The following HDAC4 variants were observed in gnomAD, a reference collection of about 807,000 sequenced individuals.
The protein encoded by HDAC4 is histone deacetylase 4, also known as histone deacetylase A.
Under a neutral mutation model 135.1 loss-of-function variants are expected in HDAC4, and 16 were observed. The observed-to-expected ratio is 0.12, with a 90% confidence interval of 0.08 to 0.18. HDAC4 has a LOEUF of 0.18. Among genes scored for constraint, HDAC4 ranks in the 10% least tolerant of loss-of-function variants. The pLI, the probability that HDAC4 is intolerant of heterozygous loss-of-function variation, is 1.00. For missense variants in HDAC4, 1,143 were observed against 1,511.8 expected (o/e 0.76, Z 4.05); for synonymous variants, 685 against 653.4 (o/e 1.05, Z -0.74).
At chr2:239,275,124 G>A (rs1197853471) in intron 2 of HDAC4, among the ~76,000 whole-genome samples, 1 of 152,012 alleles carries the variant, frequency 6.6e-6, no homozygotes, top group African/African-American at 2.4e-5. Flanking sequence ...CCCATCTCCC[G>A]TGGCTGACGG....
chr2:239,102,611 C>T, intron 16 of HDAC4, 165 bp downstream of exon 16: 2 of 721,872 alleles, frequency 2.8e-6, no homozygotes, highest in Non-Finnish European at 4.7e-6. Context: ...CATCAACAAC[C>T]AGTGGCTTGT....
rs191583595 is a variant in HDAC4 at position 239,383,666 on chromosome 2, C to T, written c.-220+17312G>A. Among the ~76,000 whole-genome samples, 224 of 152,004 alleles carry T rather than the reference C, an allele frequency of 1.5e-3. 1 individual carries two copies. The highest frequency in any genetic ancestry group is 5.1e-3 in the African/African-American group (211 of 41,318). On this transcript the variant is annotated intron_variant, in intron 1 of 26. Transcript: ENST00000543185. Reference sequence around the variant, plus strand: ...CCTCTCTGTACCTGGTGGGAGAAAGCGCGGCAACGACACCGCCTCAGCAGC... The same window carrying T: ...CCTCTCTGTACCTGGTGGGAGAAAGTGCGGCAACGACACCGCCTCAGCAGC...
At chr2:239,132,027 C>G (rs1255648865) in intron 11 of HDAC4, among the ~76,000 whole-genome samples, 3 of 152,030 alleles carry the variant, frequency 2.0e-5, no homozygotes, top group African/African-American at 7.2e-5. Context: ...AAATGAGGGC[C>G]CTGCTCATGG....
intron 18 of HDAC4, 187 bp downstream of exon 18, chr2:239,089,822 A>G (rs2036333352): frequency 6.3e-6 from 4 of 631,110 alleles, no homozygotes; most frequent in South Asian, 1.8e-5. Flanking sequence ...CACATACCCT[A>G]TCACAAATGT....
chr2:239,212,675 CAG>C (rs1268805091), intron 3 of HDAC4, among the ~76,000 whole-genome samples: 1 of 152,218 alleles, frequency 6.6e-6, no homozygotes, highest in East Asian at 1.9e-4. Context: ...GGGCAGTAAA[CAG>C]GGGCAGTGAG....
At position 239,084,835 on chromosome 2, in the gene HDAC4, T is replaced by A. The variant is rs141904294; in HGVS notation, c.2445-593A>T. ...CCCACAGATAGAGACACACACACCATGCAAACGCCCTACACACATATATGC... is the reference window on the plus strand; with the variant it reads ...CCCACAGATAGAGACACACACACCAAGCAAACGCCCTACACACATATATGC... On this transcript the variant is annotated intron_variant, in intron 19 of 26. Transcript: ENST00000543185. 2.1e-5 allele frequency among the ~76,000 whole-genome samples: 3 copies of A among 145,460 alleles called. No homozygotes were observed. The East Asian group carries it at 6.2e-4, about 30-fold the overall frequency.
chr2:239,390,055 C>T (rs1162002359), intron 1 of HDAC4, among the ~76,000 whole-genome samples: 1 of 152,282 alleles, frequency 6.6e-6, no homozygotes, highest in East Asian at 1.9e-4. Context: ...GCTGACTCTC[C>T]CCAGGTAGGG....
Position 239,229,937 on chromosome 2 carries a change from C to G in HDAC4, c.94+6656G>C, listed in dbSNP as rs562651862. Among the ~76,000 whole-genome samples the G allele has an allele frequency of 3.9e-5, 6 of 152,224 alleles. No individual in the cohort carries two copies. In the East Asian group the frequency reaches 9.7e-4, roughly 25 times the overall value. ...TTCTCTCCAGAATGCAAATTTCCCC[C>G]CCAAGAGGCAGTTTTCTATAGCCAC... On this transcript the variant is annotated intron_variant, in intron 3 of 26. Coordinates refer to ENST00000543185, the MANE Select transcript of HDAC4 (RefSeq NM_001378414.1).
chr2:239,063,226 A>G (rs2033023503), intron 24 of HDAC4, among the ~76,000 whole-genome samples: 1 of 149,540 alleles, frequency 6.7e-6, no homozygotes. Context: ...TTTTAGGCGG[A>G]GTCTCGCTCT....
At chr2:239,335,764 T>A (rs902940973) in intron 2 of HDAC4, among the ~76,000 whole-genome samples, 2 of 152,112 alleles carry the variant, frequency 1.3e-5, no homozygotes, top group Non-Finnish European at 2.9e-5. Flanking sequence ...CAAATGAAAC[T>A]ACAATAGTTA....
At chr2:239,216,092 T>C (rs962951065) in intron 3 of HDAC4, among the ~76,000 whole-genome samples, 4 of 152,202 alleles carry the variant, frequency 2.6e-5, no homozygotes, top group Admixed American at 6.5e-5. Context: ...ACATTGTATA[T>C]AGCTTTTACA....
chr2:239,279,068 C>T (rs568338218), intron 2 of HDAC4, among the ~76,000 whole-genome samples: 10 of 152,330 alleles, frequency 6.6e-5, no homozygotes, highest in South Asian at 6.2e-4. Flanking sequence ...CTGCCCCAGG[C>T]GGGGAAAGTG....
chr2:239,169,659 AC>A (rs1175438641), intron 5 of HDAC4, among the ~76,000 whole-genome samples: 1 of 152,158 alleles, frequency 6.6e-6, no homozygotes, highest in Non-Finnish European at 1.5e-5. Flanking sequence ...TTGGCAGAAC[AC>A]CCTGGAGTGA....
chr2:239,080,828 C>T lies in HDAC4; in HGVS notation c.2750+267G>A, dbSNP rs528962535. The T allele has an allele frequency of 2.5e-4, 137 of 543,668 alleles. 1 individual carries two copies. Among genetic ancestry groups the T allele is most frequent in the South Asian group, 2.0e-3 (81 of 40,920 alleles). The allele number at this position is 543,668 out of a possible 1,614,324, so 33.7% of individuals were successfully genotyped here. A position where few individuals can be genotyped will look rare whatever the true frequency, so the allele number is the denominator to read the frequency against. ...GCACAAAAGTCCCTGCCTCTGTCTC[C>T]ATCACTCTCTCACCATCGACCCAAA... is the stretch of plus-strand genomic sequence containing the variant. On this transcript the variant is annotated intron_variant, in intron 22 of 26. Transcript: ENST00000543185.
At chr2:239,154,218 C>T (rs931558307) in intron 7 of HDAC4, among the ~76,000 whole-genome samples, 1 of 152,032 alleles carries the variant, frequency 6.6e-6, no homozygotes, top group Non-Finnish European at 1.5e-5. Context: ...AGGCACGTCC[C>T]CACATGAGGC....
chr2:239,288,290 C>G (rs183362324), intron 2 of HDAC4, among the ~76,000 whole-genome samples: 1 of 152,314 alleles, frequency 6.6e-6, no homozygotes, highest in East Asian at 1.9e-4. Context: ...TGGAACACAG[C>G]TATCCATGAA....
At chr2:239,105,399 C>T (rs575098777) in intron 15 of HDAC4, among the ~76,000 whole-genome samples, 2 of 152,338 alleles carry the variant, frequency 1.3e-5, no homozygotes, top group South Asian at 4.1e-4. Context: ...CCCGCACACA[C>T]ACATGGCTAT....
intron 1 of HDAC4, among the ~76,000 whole-genome samples, chr2:239,375,278 T>C (rs1694926092): frequency 6.6e-6 from 1 of 152,026 alleles, no homozygotes; most frequent in Non-Finnish European, 1.5e-5. Context: ...GCCTGCTTGG[T>C]CTCTCTGCTG....
At chr2:239,210,821 C>T (rs756606816) in intron 3 of HDAC4, among the ~76,000 whole-genome samples, 3 of 152,154 alleles carry the variant, frequency 2.0e-5, no homozygotes, top group African/African-American at 7.2e-5. Flanking sequence ...GCCTGGAACG[C>T]GGCTGAGACC....
Sources: gnomAD v4.1 joint callset for allele counts (sites outside exome capture counted in the v4.1 genomes callset) on GRCh38, gnomAD v4.1.1 for gene constraint, MANE v1.5 for transcripts, NCBI Gene and HGNC (gene_info 2026-07-23, HGNC 2026-07-21) for gene names.